Variants in RNASEH1 observed in about 807,000 individuals in gnomAD.
RNASEH1 encodes ribonuclease H1.
Under a neutral mutation model 34.6 loss-of-function variants are expected in RNASEH1, and 27 were observed. That is an observed-to-expected ratio of 0.78 (90% CI 0.58 to 1.08). RNASEH1 has a LOEUF of 1.08. RNASEH1 is among the 50% of genes least tolerant of loss of function. The pLI is 0.00. For synonymous variants in RNASEH1, 162 were observed against 138.4 expected, an observed-to-expected ratio of 1.17 and a Z score of -1.20; for missense variants, 349 against 373.6, an observed-to-expected ratio of 0.93 and a Z score of 0.54.
chr2:3,548,592 C>T, intron 6 of RNASEH1, 48 bp downstream of exon 6: 1 of 1,291,724 alleles, frequency 7.7e-7, no homozygotes. Context: ...TACCAATTTC[C>T]CTTCACAGTT....
At chr2:3,550,956 G>A (rs1395129375) in intron 3 of RNASEH1, among the ~76,000 whole-genome samples, 1 of 152,190 alleles carries the variant, frequency 6.6e-6, no homozygotes, top group Non-Finnish European at 1.5e-5. Flanking sequence ...TCCCGTCTTT[G>A]CTTCTTTCCC....
At chr2:3,554,552 C>T (rs1452201024) in intron 2 of RNASEH1, among the ~76,000 whole-genome samples, 1 of 152,208 alleles carries the variant, frequency 6.6e-6, no homozygotes, top group African/African-American at 2.4e-5. Context: ...CTTTTTGATA[C>T]AGATCTGAAT....
At chr2:3,536,066 G>A in the RNASEH1 span, among the ~76,000 whole-genome samples, 1 of 152,136 alleles carries the variant, frequency 6.6e-6, no homozygotes, top group Non-Finnish European at 1.5e-5. Context: ...CTGCTCAGAT[G>A]GTTAAAACAG....
At chr2:3,545,935 T>G in intron 7 of RNASEH1, 64 bp from the exon 8 acceptor site, 12 of 1,194,154 alleles carry the variant, frequency 1.0e-5, no homozygotes, top group Non-Finnish European at 1.5e-5. Flanking sequence ...CATGACTATA[T>G]TGTCATCATA....
intron 1 of RNASEH1, chr2:3,557,693 G>A (rs1660651348): frequency 1.1e-5 from 5 of 439,170 alleles, no homozygotes; most frequent in Non-Finnish European, 2.3e-5. Context: ...GTTGTTACAA[G>A]GATCCAACTG....
At chr2:3,558,070 G>T in intron 1 of RNASEH1, 63 bp downstream of exon 1, 1 of 1,513,482 alleles carries the variant, frequency 6.6e-7, no homozygotes, top group Non-Finnish European at 8.8e-7. Context: ...GGGGTTAGCC[G>T]GGCTCCGGCC....
chr2:3,552,831 TAAAAATAGATAAATCTA>T (rs1660112669), intron 2 of RNASEH1, among the ~76,000 whole-genome samples: 1 of 151,814 alleles, frequency 6.6e-6, no homozygotes. Flanking sequence ...CCCCTTTGCT[TAAAAATAGATAAATCTA>T]AAAAAAGATG....
In RNASEH1 at chr2:3,542,295, T is replaced by G. The variant is rs1201494327; in HGVS notation, c.*3490A>C. 6.6e-6 allele frequency among the ~76,000 whole-genome samples: 1 copy of G among 152,104 alleles called. No individual in the cohort carries two copies. The highest frequency in any genetic ancestry group is 1.5e-5 in the Non-Finnish European group (1 of 68,030). ...AATACCAACACATGACACATTCGAATAAAACGGCCGACTTGACAGAAAAAG... is the reference window on the plus strand; with the variant it reads ...AATACCAACACATGACACATTCGAAGAAAACGGCCGACTTGACAGAAAAAG... On this transcript the variant is annotated 3_prime_UTR_variant, in exon 8 of 8. Coordinates refer to ENST00000315212, the MANE Select transcript of RNASEH1 (RefSeq NM_002936.6).
intron 2 of RNASEH1, among the ~76,000 whole-genome samples, chr2:3,553,651 C>T (rs1660210202): frequency 1.3e-5 from 2 of 152,036 alleles, no homozygotes; most frequent in South Asian, 2.1e-4. Context: ...TGACCTCCCA[C>T]AGTGCTGGGA....
Position 3,544,789 on chromosome 2 carries a change from TTTTGAGACAGAGTC to T in RNASEH1, c.*982_*995del, listed in dbSNP as rs1668588074. 1 of 152,150 alleles carries T rather than the reference TTTTGAGACAGAGTC, an allele frequency of 6.6e-6. No homozygotes were observed. The highest frequency in any genetic ancestry group is 1.5e-5 in the Non-Finnish European group (1 of 68,016). 9.4% of individuals were successfully genotyped at this position (152,150 alleles called of 1,614,324 possible). ...TCAAACTTTTACTACTTTTTTTTTT[TTTTGAGACAGAGTC>T]TCACTCTGTTGCCCAGGATGGAGTG... On this transcript the variant is annotated 3_prime_UTR_variant, in exon 8 of 8. Transcript: ENST00000315212.
At position 3,541,773 on chromosome 2, in the gene RNASEH1, C is replaced by T. The variant is rs763065509; in HGVS notation, c.*4012G>A. Reference sequence around the variant, plus strand: ...GTTGGTGGTGATGGACATGTTCTGGCGACAGCTTCACAGGCAAATGCATCG... The same window carrying T: ...GTTGGTGGTGATGGACATGTTCTGGTGACAGCTTCACAGGCAAATGCATCG... On this transcript the variant is annotated 3_prime_UTR_variant, in exon 8 of 8. Coordinates refer to ENST00000315212, the MANE Select transcript of RNASEH1 (RefSeq NM_002936.6). Among the ~76,000 whole-genome samples the T allele has an allele frequency of 6.6e-6, 1 of 152,158 alleles. No homozygotes were observed. The highest frequency in any genetic ancestry group is 1.5e-5 in the Non-Finnish European group (1 of 68,036).
rs150973501 is a variant in RNASEH1 at position 3,556,498 on chromosome 2, T to C, written c.244+291A>G. 2.2e-3 allele frequency among the ~76,000 whole-genome samples: 328 copies of C among 151,380 alleles called. 2 individuals are homozygous for C. The highest frequency in any genetic ancestry group is 7.3e-3 in the African/African-American group (302 of 41,206). ...TTTTTGTATTTTAGTAGAGATGGAG[T>C]TTCATCATGTTGGCCAGGCTGGACA... is the stretch of plus-strand genomic sequence containing the variant. On this transcript the variant is annotated intron_variant, in intron 2 of 7. Coordinates refer to ENST00000315212, the MANE Select transcript of RNASEH1 (RefSeq NM_002936.6).
Position 3,556,810 on chromosome 2 carries a change from C to T in RNASEH1, c.223G>A (p.Ala75Thr), listed in dbSNP as rs756680274. ...DEAWAFVRKS[A>T]SPEVSEGHEN... ...CTACCTTCTGAAACTTCCGGGCTTG[C>T]AGATTTCCTGACAAAGGCCCAGGCC... The change falls in exon 2 of 8, where the codon GCA becomes ACA. Residue 75 changes from alanine to threonine, a missense_variant. Ala to Thr is a moderately conservative substitution (Grantham distance 58). Around this residue, in one of 2 missense-constraint regions of RNASEH1, gnomAD observed 256 missense variants for 240.7 expected, o/e 1.06. Coordinates refer to ENST00000315212, the MANE Select transcript of RNASEH1 (RefSeq NM_002936.6). 4 of 1,613,666 alleles carry T rather than the reference C, an allele frequency of 2.5e-6. No individual in the cohort carries two copies. In the Admixed American group the frequency reaches 6.7e-5, roughly 27 times the overall value.
rs1668397132 is a variant in RNASEH1, at chr2:3,542,648, G to A, written c.*3137C>T. ...TTTTCATCATCACAATTAATGCTAT[G>A]GTATTAGTATTTTTTTTAAATGCTA... On this transcript the variant is annotated 3_prime_UTR_variant, in exon 8 of 8. Coordinates refer to ENST00000315212, the MANE Select transcript of RNASEH1 (RefSeq NM_002936.6). Among the ~76,000 whole-genome samples the A allele has an allele frequency of 6.6e-6, 1 of 152,052 alleles. No individual in the cohort carries two copies. The highest frequency in any genetic ancestry group is 2.4e-5 in the African/African-American group (1 of 41,370).
rs879901532 is a variant in RNASEH1, at chr2:3,543,665, G to A, written c.*2120C>T. On this transcript the variant is annotated 3_prime_UTR_variant, in exon 8 of 8. Coordinates refer to ENST00000315212, the MANE Select transcript of RNASEH1 (RefSeq NM_002936.6). ...GACTTGCTGTCGCCCAGGCTGGAAT[G>A]TGGTGGCATGGTCACAGCTCACGCA... Among the ~76,000 whole-genome samples the A allele has an allele frequency of 6.6e-6, 1 of 151,976 alleles. No homozygotes were observed. The highest frequency in any genetic ancestry group is 6.5e-5 in the Admixed American group (1 of 15,268).
At chr2:3,532,078 G>A in the RNASEH1 span, 8 of 598,566 alleles carry the variant, frequency 1.3e-5, no homozygotes, top group Non-Finnish European at 2.1e-5. Context: ...AAAGAGATAA[G>A]GAGAGGGTTT....
At position 3,544,443 on chromosome 2, in the gene RNASEH1, A is replaced by G. The variant is rs1157326815; in HGVS notation, c.*1342T>C. Among the ~76,000 whole-genome samples, 2 of 152,238 alleles carry G rather than the reference A, an allele frequency of 1.3e-5. No individual in the cohort carries two copies. The highest frequency in any genetic ancestry group is 2.9e-5 in the Non-Finnish European group (2 of 68,050). ...AACAGTGAGGCCGACGGGACTGCAAATGGACACTGAAGTAGATAAAAAAAT... is the reference window on the plus strand; with the variant it reads ...AACAGTGAGGCCGACGGGACTGCAAGTGGACACTGAAGTAGATAAAAAAAT... On this transcript the variant is annotated 3_prime_UTR_variant, in exon 8 of 8. Transcript: ENST00000315212.
At chr2:3,538,368 A>T (rs1481633720), downstream of RNASEH1, among the ~76,000 whole-genome samples, 1 of 148,520 alleles carries the variant, frequency 6.7e-6, no homozygotes, top group African/African-American at 2.6e-5. Context: ...AATATATATA[A>T]TATATATATA....
chr2:3,536,260 G>A, the RNASEH1 span, among the ~76,000 whole-genome samples: 1 of 152,220 alleles, frequency 6.6e-6, no homozygotes, highest in Non-Finnish European at 1.5e-5. Flanking sequence ...ATGTCATACA[G>A]GGAAGAACGG....
Sources: gnomAD v4.1 joint callset for allele counts (sites outside exome capture counted in the v4.1 genomes callset) on GRCh38, gnomAD v4.1.1 for gene constraint, gnomAD v4.1.1 regional missense constraint, MANE v1.5 for transcripts, NCBI Gene and HGNC (gene_info 2026-07-23, HGNC 2026-07-21) for gene names.